The following NMU variants were observed in gnomAD, a reference collection of about 807,000 sequenced individuals.
The protein encoded by NMU is neuromedin-U.
Under a neutral mutation model 35.4 loss-of-function variants are expected in NMU, and 29 were observed. That is an observed-to-expected ratio of 0.82 (90% confidence interval 0.61 to 1.12). NMU has a LOEUF of 1.12. NMU is among the 50% of genes most tolerant of loss of function. NMU has a pLI of 0.00. For missense variants in NMU, 199 were observed against 206.2 expected, an observed-to-expected ratio of 0.97 and a Z score of 0.21; for synonymous variants, 78 against 81.3, an observed-to-expected ratio of 0.96 and a Z score of 0.22.
At position 55,600,634 on chromosome 4, in the gene NMU, T is replaced by C; in HGVS notation, c.436-59A>G. The C allele has an allele frequency of 2.5e-6, 3 of 1,213,400 alleles. No homozygotes were observed. In the South Asian group the frequency reaches 3.6e-5, roughly 15 times the overall value. 75.2% of individuals were successfully genotyped at this position (1,213,400 alleles called of 1,614,324 possible). On this transcript the variant is annotated intron_variant, in intron 7 of 9. Coordinates refer to ENST00000264218, the MANE Select transcript of NMU (RefSeq NM_006681.4). ...TAACACTAAAAATAAGTGCAAATTC[T>C]CCTTGAAAGTATATTGAGGGTCAAA... is the stretch of plus-strand genomic sequence containing the variant.
intron 9 of NMU, among the ~76,000 whole-genome samples, chr4:55,598,300 T>C (rs976735874): frequency 1.3e-5 from 2 of 152,096 alleles, no homozygotes; most frequent in Non-Finnish European, 2.9e-5. Context: ...ATCAAAATCC[T>C]GTGCTCAGGT....
intron 1 of NMU, among the ~76,000 whole-genome samples, chr4:55,632,455 T>A (rs1057480251): frequency 2.6e-5 from 4 of 152,080 alleles, no homozygotes; most frequent in African/African-American, 9.7e-5. Context: ...CATAAAAGAG[T>A]TGGTTTATTT....
chr4:55,601,516 A>C (rs563299850), intron 7 of NMU, among the ~76,000 whole-genome samples: 1 of 152,236 alleles, frequency 6.6e-6, no homozygotes, highest in East Asian at 1.9e-4. Flanking sequence ...ATTACTTAAT[A>C]TTGAAAAAAA....
At chr4:55,607,191 T>C (rs1577941454) in intron 6 of NMU, 107 bp downstream of exon 6, 3 of 760,736 alleles carry the variant, frequency 3.9e-6, no homozygotes, top group South Asian at 1.6e-5. Context: ...ATATAAACTT[T>C]TAAAGTAAAA....
Position 55,600,543 on chromosome 4 carries a change from A to G in NMU, c.468T>C (p.Ser156=). 6.2e-7 allele frequency: 1 copy of G among 1,610,644 alleles called. No individual in the cohort carries two copies. The change falls in exon 8 of 10, where the codon AGT becomes AGC. Residue 156 remains serine, a synonymous_variant. Transcript: ENST00000264218. ...EEFQSPFASQ[S]RGYFLFRPRN... ...CTACCCTGAATAAAAAATATCCTCG[A>G]CTTTGACTTGCAAAGGGACTTTGGA... is the stretch of plus-strand genomic sequence containing the variant.
intron 1 of NMU, among the ~76,000 whole-genome samples, chr4:55,633,540 G>A (rs1715730205): frequency 6.6e-6 from 1 of 152,066 alleles, no homozygotes; most frequent in South Asian, 2.1e-4. Flanking sequence ...AAACTGTACT[G>A]TTTTTGATAA....
chr4:55,613,283 A>T (rs926519675), intron 3 of NMU, among the ~76,000 whole-genome samples: 1 of 152,200 alleles, frequency 6.6e-6, no homozygotes, highest in Non-Finnish European at 1.5e-5. Context: ...AAATCTGCAC[A>T]TTTACCCCTG....
chr4:55,618,697 CTCTT>C (rs1428589830), intron 2 of NMU, among the ~76,000 whole-genome samples: 3 of 71,762 alleles, frequency 4.2e-5, no homozygotes, highest in African/African-American at 8.3e-5. Context: ...TTTCTTCTCT[CTCTT>C]CTTTCTTTTT....
At position 55,603,911 on chromosome 4, in the gene NMU, CAAAAAA is replaced by C. The variant is rs746222578; in HGVS notation, c.435+1358_435+1363del. On this transcript the variant is annotated intron_variant, in intron 7 of 9. Transcript: ENST00000264218. ...TGGGCGACAGAGCAAGAGTCCGTCTCAAAAAAAAAAAAAAAATATATATATATATAT... is the reference window on the plus strand; with the variant it reads ...TGGGCGACAGAGCAAGAGTCCGTCTCAAAAAAAAAATATATATATATATAT... Among the ~76,000 whole-genome samples, 17 of 50,378 alleles carry C rather than the reference CAAAAAA, an allele frequency of 3.4e-4. 1 individual carries two copies. Among genetic ancestry groups the C allele is most frequent in the East Asian group, 2.7e-3 (4 of 1,504 alleles). 33.0% of individuals were successfully genotyped at this position (50,378 alleles called of 152,430 possible). A position where few individuals can be genotyped will look rare whatever the true frequency, so the allele number is the denominator to read the frequency against.
At chr4:55,613,525 T>C (rs1387991080) in intron 3 of NMU, among the ~76,000 whole-genome samples, 1 of 152,168 alleles carries the variant, frequency 6.6e-6, no homozygotes, top group Non-Finnish European at 1.5e-5. Context: ...ATGAATTGAG[T>C]TTATTATCAA....
chr4:55,612,562 G>C (rs554635145), intron 3 of NMU, among the ~76,000 whole-genome samples: 1 of 151,938 alleles, frequency 6.6e-6, no homozygotes, highest in East Asian at 1.9e-4. Flanking sequence ...CAAAACAATA[G>C]AAAGAAAATA....
intron 1 of NMU, among the ~76,000 whole-genome samples, chr4:55,632,858 T>C (rs1176387275): frequency 6.6e-6 from 1 of 151,834 alleles, no homozygotes; most frequent in African/African-American, 2.4e-5. Context: ...CAAGCTTGCA[T>C]GGGCCACTTA....
intron 7 of NMU, 69 bp from the exon 8 acceptor site, chr4:55,600,644 T>A: frequency 2.7e-6 from 3 of 1,093,464 alleles, no homozygotes; most frequent in Non-Finnish European, 4.2e-6. Context: ...TCCTTGAAAG[T>A]ATATTGAGGG....
intron 1 of NMU, among the ~76,000 whole-genome samples, chr4:55,633,357 A>C (rs1715723702): frequency 6.6e-6 from 1 of 151,586 alleles, no homozygotes; most frequent in Admixed American, 6.6e-5. Context: ...AAAGAAAGCG[A>C]CTAATATCCT....
At chr4:55,634,754 TG>T (rs1296936140) in intron 1 of NMU, among the ~76,000 whole-genome samples, 11 of 152,126 alleles carry the variant, frequency 7.2e-5, no homozygotes, top group African/African-American at 2.2e-4. Context: ...ACATTTACCT[TG>T]GGGGAAAGTC....
At chr4:55,612,883 AATAAG>A in intron 3 of NMU, among the ~76,000 whole-genome samples, 1 of 152,334 alleles carries the variant, frequency 6.6e-6, no homozygotes, top group South Asian at 2.1e-4. Flanking sequence ...TCACATAAAT[AATAAG>A]ATAATAGTAT....
At position 55,597,334 on chromosome 4, in the gene NMU, T is replaced by C. The variant is rs1183677862; in HGVS notation, c.*4+1808A>G. 2.6e-5 allele frequency among the ~76,000 whole-genome samples: 4 copies of C among 151,658 alleles called. 1 individual carries two copies. The highest frequency in any genetic ancestry group is 4.4e-5 in the Non-Finnish European group (3 of 67,828). ...TATATTGTGGGTATAGTTTCTTTTT[T>C]TTCTTCTTCTTCTTCTTTTTGAGAC... On this transcript the variant is annotated intron_variant, in intron 9 of 9. Coordinates refer to ENST00000264218, the MANE Select transcript of NMU (RefSeq NM_006681.4).
chr4:55,636,362 C>G, upstream of NMU: 1 of 1,026,570 alleles, frequency 9.7e-7, no homozygotes, highest in Non-Finnish European at 1.3e-6. This position sits in a 1 kb window ranked among gnomAD's most constrained non-coding sequence, Gnocchi z 4.0. Flanking sequence ...GCGCGGTCCC[C>G]GCCGCGCGTC....
chr4:55,634,904 C>T (rs563966457), intron 1 of NMU, among the ~76,000 whole-genome samples: 1 of 150,144 alleles, frequency 6.7e-6, no homozygotes, highest in Non-Finnish European at 1.5e-5. Flanking sequence ...ACACACACCC[C>T]CCTCCAATGC....
Sources: allele counts gnomAD v4.1 joint callset (sites outside exome capture counted in the v4.1 genomes callset), GRCh38; gene constraint gnomAD v4.1.1; non-coding constraint Gnocchi (gnomAD v3.1); transcripts MANE v1.5; gene names NCBI Gene and HGNC (gene_info 2026-07-23, HGNC 2026-07-21).